The following KDM1B variants were observed in gnomAD, a reference collection of about 807,000 sequenced individuals.
The protein encoded by KDM1B is lysine demethylase 1B, also known as lysine-specific histone demethylase 2.
Under a neutral mutation model 107.4 loss-of-function variants are expected in KDM1B, and 63 were observed. The ratio of observed to expected loss-of-function variants is 0.59; its 90% CI spans 0.48 to 0.72. KDM1B has a LOEUF of 0.72. KDM1B is among the 30% of genes least tolerant of loss of function. KDM1B has a pLI of 0.00. For synonymous variants in KDM1B, 363 were observed against 363.9 expected, an observed-to-expected ratio of 1.00 and a Z score of 0.03; for missense variants, 749 against 1,020.8, an observed-to-expected ratio of 0.73 and a Z score of 3.63.
chr6:18,156,584 A>G (rs993982818), intron 2 of KDM1B, among the ~76,000 whole-genome samples: 6 of 152,158 alleles, frequency 3.9e-5, no homozygotes, highest in African/African-American at 1.4e-4. Flanking sequence ...AGAATCAACA[A>G]AAGATATCTA....
intron 5 of KDM1B, among the ~76,000 whole-genome samples, chr6:18,164,353 C>G (rs1479341600): frequency 6.6e-6 from 1 of 152,058 alleles, no homozygotes; most frequent in Non-Finnish European, 1.5e-5. Flanking sequence ...GCCTTGAATT[C>G]CTGACCTTGG....
chr6:18,170,333 A>G lies in KDM1B; in HGVS notation c.418-1030A>G, dbSNP rs1163670624. 3.9e-5 allele frequency among the ~76,000 whole-genome samples: 6 copies of G among 152,240 alleles called. No individual in the cohort carries two copies. In the South Asian group the frequency reaches 1.0e-3, roughly 26 times the overall value. On this transcript the variant is annotated intron_variant, in intron 6 of 21. Transcript: ENST00000650836. ...GTCAAAGTAAGAAATTAACTTTGGCATAGTACTAATAACTGTAGACTTTAT... is the reference window on the plus strand; with the variant it reads ...GTCAAAGTAAGAAATTAACTTTGGCGTAGTACTAATAACTGTAGACTTTAT...
At chr6:18,208,039 G>A in intron 16 of KDM1B, 93 bp from the exon 17 acceptor site, 1 of 901,738 alleles carries the variant, frequency 1.1e-6, no homozygotes, top group Non-Finnish European at 1.9e-6. Context: ...CCTTAGCCTT[G>A]GAGATGTAAA....
At chr6:18,218,965 C>T (rs555719272) in intron 21 of KDM1B, among the ~76,000 whole-genome samples, 102 of 152,240 alleles carry the variant, frequency 6.7e-4, no homozygotes, top group Non-Finnish European at 1.0e-3. Context: ...TGCAGTGGCA[C>T]GATCTCAGCT....
At chr6:18,175,157 T>C (rs1283314725) in intron 7 of KDM1B, among the ~76,000 whole-genome samples, 2 of 152,240 alleles carry the variant, frequency 1.3e-5, no homozygotes, top group African/African-American at 4.8e-5. Flanking sequence ...CTACTGTGGT[T>C]TGATATTTTT....
In KDM1B at chr6:18,205,651, G is replaced by A; in HGVS notation, c.1646G>A (p.Ser549Asn). Residue 549 changes from serine (S) to asparagine (N), a missense_variant, in exon 15 of 22, where the codon AGC becomes AAC. Coordinates refer to ENST00000650836, the MANE Select transcript of KDM1B (RefSeq NM_001364614.2). This position sits in a 1 kb window ranked among gnomAD's most constrained non-coding sequence, Gnocchi z 5.7. Reference protein sequence around the residue: ...HLSNLEYACGSNLHQVSARSW... With the variant: ...HLSNLEYACGNNLHQVSARSW... The stretch of plus-strand genomic sequence containing the variant: ...AGTAACCTGGAGTACGCCTGTGGCA[G>A]CAACCTTCACCAGGTGCGCTTGGGT... The A allele has an allele frequency of 1.3e-6, 2 of 1,520,842 alleles. No homozygotes were observed. Among genetic ancestry groups the A allele is most frequent in the South Asian group, 1.2e-5 (1 of 80,044 alleles). 94.2% of individuals were successfully genotyped at this position (1,520,842 alleles called of 1,614,324 possible).
intron 2 of KDM1B, among the ~76,000 whole-genome samples, chr6:18,156,895 C>T (rs113288660): frequency 6.6e-4 from 100 of 152,124 alleles, no homozygotes; most frequent in Non-Finnish European, 1.3e-3. Context: ...CCAGCCTGAG[C>T]CACGGAGGAA....
intron 7 of KDM1B, among the ~76,000 whole-genome samples, chr6:18,173,849 G>C (rs1785818975): frequency 1.3e-5 from 2 of 152,036 alleles, no homozygotes. Flanking sequence ...GCAGTGGCTC[G>C]ATCTCGGCTC....
At chr6:18,160,011 CT>C (rs138932791) in intron 3 of KDM1B, 29 bp downstream of exon 3, 7 of 1,423,698 alleles carry the variant, frequency 4.9e-6, no homozygotes, top group South Asian at 2.5e-5. Flanking sequence ...TTCAACAAGC[CT>C]TTTTTGAGCA....
chr6:18,182,413 A>G (rs558267887), intron 7 of KDM1B, among the ~76,000 whole-genome samples: 39 of 152,334 alleles, frequency 2.6e-4, no homozygotes, highest in African/African-American at 8.2e-4. Flanking sequence ...TATTTGTAGA[A>G]TAACATGAAA....
chr6:18,198,080 A>G (rs1276875708), intron 12 of KDM1B, among the ~76,000 whole-genome samples: 3 of 151,984 alleles, frequency 2.0e-5, no homozygotes, highest in Non-Finnish European at 4.4e-5. Flanking sequence ...TATTTTTAGT[A>G]GAGTGGGGTT....
At position 18,197,486 on chromosome 6, in the gene KDM1B, G is replaced by A. The variant is rs915796591; in HGVS notation, c.1147-101G>A. ...AAAATAACTTTCTAAGGACATCAAAGAAATGTAAATGAACGAATTTGCTCT... is the reference window on the plus strand; with the variant it reads ...AAAATAACTTTCTAAGGACATCAAAAAAATGTAAATGAACGAATTTGCTCT... On this transcript the variant is annotated intron_variant, in intron 11 of 21. Transcript: ENST00000650836. The surrounding 1 kb of genome is among the most constrained non-coding windows in gnomAD (Gnocchi z 4.5). 1.6e-5 allele frequency: 15 copies of A among 956,662 alleles called. No individual in the cohort carries two copies. In the Admixed American group the frequency reaches 3.0e-4, roughly 19 times the overall value. 59.3% of individuals were successfully genotyped at this position (956,662 alleles called of 1,614,324 possible).
chr6:18,168,884 G>A (rs544077026), intron 6 of KDM1B, among the ~76,000 whole-genome samples: 9 of 152,014 alleles, frequency 5.9e-5, no homozygotes, highest in East Asian at 5.8e-4. Context: ...TTGTTTTGTC[G>A]TCTTTGAGAT....
chr6:18,210,526 T>G (rs1454530022), intron 17 of KDM1B, among the ~76,000 whole-genome samples: 1 of 149,926 alleles, frequency 6.7e-6, no homozygotes, highest in African/African-American at 2.5e-5. Context: ...CTCAGCTAAT[T>G]AAAAATTTTT....
intron 21 of KDM1B, among the ~76,000 whole-genome samples, chr6:18,220,593 C>T (rs1582231083): frequency 6.6e-6 from 1 of 152,126 alleles, no homozygotes; most frequent in East Asian, 1.9e-4. Flanking sequence ...ACTTTGATTA[C>T]TCCTTGGCCT....
chr6:18,200,651 T>C lies in KDM1B; in HGVS notation c.1359+75T>C, dbSNP rs1747696453. The C allele has an allele frequency of 3.5e-6, 5 of 1,416,004 alleles. No individual in the cohort carries two copies. The South Asian group carries it at 7.1e-5, about 20-fold the overall frequency. 87.7% of individuals were successfully genotyped at this position (1,416,004 alleles called of 1,614,324 possible). ...TCAATTTGCTTGTGTGCAGTATTAA[T>C]ATGCTTCTAAAGTAAATTACATATA... On this transcript the variant is annotated intron_variant, in intron 13 of 21. Transcript: ENST00000650836. This position sits in a 1 kb window ranked among gnomAD's most constrained non-coding sequence, Gnocchi z 4.3.
rs1032329217 is a variant in KDM1B at position 18,209,602 on chromosome 6, G to A, written c.1866+1396G>A. 4.6e-5 allele frequency among the ~76,000 whole-genome samples: 7 copies of A among 152,128 alleles called. No individual in the cohort carries two copies. The highest frequency in any genetic ancestry group is 2.1e-4 in the South Asian group (1 of 4,822). On this transcript the variant is annotated intron_variant, in intron 17 of 21. Transcript: ENST00000650836. The surrounding 1 kb of genome is among the most constrained non-coding windows in gnomAD (Gnocchi z 4.3). Reference sequence around the variant, plus strand: ...GATGCGTTCTTGTTGAATTGGCCTCGCTTTTTTGTTTGTTTTTTTCAGAGA... The same window carrying A: ...GATGCGTTCTTGTTGAATTGGCCTCACTTTTTTGTTTGTTTTTTTCAGAGA...
At chr6:18,176,580 T>A (rs1786026087) in intron 7 of KDM1B, among the ~76,000 whole-genome samples, 1 of 152,188 alleles carries the variant, frequency 6.6e-6, no homozygotes, top group Admixed American at 6.5e-5. Context: ...AGTATTATGT[T>A]GTCTGTGGGT....
At chr6:18,157,025 C>T (rs1784655519) in intron 2 of KDM1B, among the ~76,000 whole-genome samples, 1 of 152,106 alleles carries the variant, frequency 6.6e-6, no homozygotes, top group Non-Finnish European at 1.5e-5. Context: ...CAAAAAATCC[C>T]ACTTTTTTAT....
Sources: gnomAD v4.1 joint callset for allele counts (sites outside exome capture counted in the v4.1 genomes callset) on GRCh38, gnomAD v4.1.1 for gene constraint, Gnocchi (gnomAD v3.1) non-coding constraint, MANE v1.5 for transcripts, NCBI Gene and HGNC (gene_info 2026-07-23, HGNC 2026-07-21) for gene names.